The following ATG7 variants were observed in gnomAD, a reference collection of about 807,000 sequenced individuals.
ATG7 encodes the protein ubiquitin-like modifier-activating enzyme ATG7.
In ATG7, 70 loss-of-function variants were observed where a neutral mutation model predicts 82.4. The observed-to-expected ratio is 0.85, with a 90% confidence interval of 0.70 to 1.04. The LOEUF (loss-of-function observed/expected upper bound fraction) is 1.04, where lower values mean the gene tolerates loss of function less well. Ranked by LOEUF, ATG7 falls within the 50% of genes least tolerant of loss-of-function variation. ATG7 has a pLI of 0.00. For synonymous variants in ATG7, 287 were observed against 313.0 expected, an observed-to-expected ratio of 0.92 and a Z score of 0.88; for missense variants, 792 against 864.3, an observed-to-expected ratio of 0.92 and a Z score of 1.05.
intron 19 of ATG7, among the ~76,000 whole-genome samples, chr3:11,391,810 A>T (rs916559628): frequency 6.6e-6 from 1 of 152,164 alleles, no homozygotes; most frequent in Admixed American, 6.5e-5. Flanking sequence ...AGCGCTTCCC[A>T]GTCTATCAGA....
chr3:11,531,867 G>GAAAAAAAA (rs10706428), intron 20 of ATG7, among the ~76,000 whole-genome samples: 1 of 95,148 alleles, frequency 1.1e-5, no homozygotes. Context: ...CCTGTCTCAG[G>GAAAAAAAA]AAAAAAAAAA....
intron 19 of ATG7, among the ~76,000 whole-genome samples, chr3:11,384,352 AT>A (rs1342043617): frequency 3.3e-5 from 5 of 152,224 alleles, no homozygotes; most frequent in Non-Finnish European, 5.9e-5. Context: ...ATGCAGCAAG[AT>A]GTGCCCAGAA....
intron 20 of ATG7, among the ~76,000 whole-genome samples, chr3:11,429,635 ATAAAATT>A (rs1203628738): frequency 6.6e-6 from 1 of 151,894 alleles, no homozygotes; most frequent in East Asian, 2.0e-4. Context: ...TGCACTTGAT[ATAAAATT>A]TAAAGGTATT....
intron 20 of ATG7, among the ~76,000 whole-genome samples, chr3:11,430,774 G>T (rs548637474): frequency 7.2e-5 from 11 of 152,296 alleles, no homozygotes; most frequent in Middle Eastern, 3.4e-3. Flanking sequence ...TTAGTCATTT[G>T]TATATTAAGT....
intron 20 of ATG7, among the ~76,000 whole-genome samples, chr3:11,520,388 C>T (rs2092409000): frequency 6.6e-6 from 1 of 152,218 alleles, no homozygotes. Flanking sequence ...ACATCTACTT[C>T]CCTCCTATTT....
intron 4 of ATG7, 178 bp from the exon 5 acceptor site, chr3:11,299,184 C>T: frequency 1.6e-6 from 1 of 622,136 alleles, no homozygotes; most frequent in Non-Finnish European, 2.8e-6. Flanking sequence ...CACAAGAGCT[C>T]TGTCACATTC....
At chr3:11,381,844 C>T (rs1238130723) in intron 19 of ATG7, among the ~76,000 whole-genome samples, 3 of 152,172 alleles carry the variant, frequency 2.0e-5, no homozygotes, top group Non-Finnish European at 4.4e-5. Flanking sequence ...ACAGTAGAAA[C>T]GCAGCATTTA....
intron 9 of ATG7, among the ~76,000 whole-genome samples, chr3:11,318,623 C>A (rs956678377): frequency 6.6e-6 from 1 of 152,176 alleles, no homozygotes; most frequent in African/African-American, 2.4e-5. Flanking sequence ...ACTTAAAACC[C>A]TTCTAAGGTT....
the ATG7 span, among the ~76,000 whole-genome samples, chr3:11,571,247 G>T: frequency 9.9e-5 from 15 of 152,264 alleles, no homozygotes; most frequent in African/African-American, 3.6e-4. Context: ...CTATGCGTCA[G>T]CAACTACTGC....
At chr3:11,532,466 T>G (rs543086047) in intron 20 of ATG7, among the ~76,000 whole-genome samples, 1 of 152,260 alleles carries the variant, frequency 6.6e-6, no homozygotes, top group Admixed American at 6.5e-5. Flanking sequence ...CTCATGCCTG[T>G]AATCCCAGTG....
intron 20 of ATG7, among the ~76,000 whole-genome samples, chr3:11,475,907 A>ACACACACACACACACACC (rs766157655): frequency 1.6e-4 from 24 of 146,330 alleles, no homozygotes; most frequent in South Asian, 7.2e-4. Context: ...ACACACACAC[A>ACACACACACACACACACC]CCCCCTCCCA....
intron 20 of ATG7, among the ~76,000 whole-genome samples, chr3:11,460,654 GAC>G (rs1261661858): frequency 6.6e-6 from 1 of 152,154 alleles, no homozygotes; most frequent in African/African-American, 2.4e-5. Flanking sequence ...CCCTGTACAA[GAC>G]ACACAATAGG....
intron 1 of ATG7, among the ~76,000 whole-genome samples, chr3:11,274,561 G>T (rs1261362991): frequency 6.6e-6 from 1 of 152,122 alleles, no homozygotes; most frequent in East Asian, 1.9e-4. Context: ...CCAGTGTGGA[G>T]GTGTAGGATG....
chr3:11,519,302 T>G (rs1358074908), intron 20 of ATG7, among the ~76,000 whole-genome samples: 2 of 152,164 alleles, frequency 1.3e-5, no homozygotes, highest in Non-Finnish European at 2.9e-5. Flanking sequence ...AATCCCCATT[T>G]TAATGATGAG....
At chr3:11,485,609 T>C (rs970184831) in intron 20 of ATG7, among the ~76,000 whole-genome samples, 17 of 152,292 alleles carry the variant, frequency 1.1e-4, no homozygotes, top group African/African-American at 3.6e-4. Flanking sequence ...GACATGAAGT[T>C]CTTGCACATG....
chr3:11,480,123 G>T (rs912917786), intron 20 of ATG7, among the ~76,000 whole-genome samples: 3 of 151,998 alleles, frequency 2.0e-5, no homozygotes, highest in Non-Finnish European at 4.4e-5. Flanking sequence ...AGTAGAGACG[G>T]GGTTTCACTG....
At chr3:11,551,748 CTTTTCT>C (rs1214265691) in intron 20 of ATG7, among the ~76,000 whole-genome samples, 4 of 140,112 alleles carry the variant, frequency 2.9e-5, no homozygotes, top group South Asian at 2.2e-4. Flanking sequence ...GGGTTCTTTT[CTTTTCT>C]TTTTTTTTTC....
intron 13 of ATG7, chr3:11,346,644 C>T (rs1215797740): frequency 6.6e-6 from 1 of 152,224 alleles, no homozygotes; most frequent in South Asian, 2.1e-4. Context: ...TCCCACTACC[C>T]AGCACGTTCC....
At chr3:11,466,396 T>C (rs1401253629) in intron 20 of ATG7, among the ~76,000 whole-genome samples, 1 of 152,242 alleles carries the variant, frequency 6.6e-6, no homozygotes, top group Non-Finnish European at 1.5e-5. Context: ...CCACGTCATA[T>C]TGCAAAGGGC....
Sources: gnomAD v4.1 joint callset for allele counts (sites outside exome capture counted in the v4.1 genomes callset) on GRCh38, gnomAD v4.1.1 for gene constraint, MANE v1.5 for transcripts, NCBI Gene and HGNC (gene_info 2026-07-23, HGNC 2026-07-21) for gene names.